The following MKLN1 variants were observed in gnomAD, a reference collection of about 807,000 sequenced individuals.
MKLN1 encodes the protein muskelin 1.
Under a neutral mutation model 99.0 loss-of-function variants are expected in MKLN1, and 18 were observed. The observed-to-expected ratio is 0.18, with a 90% CI of 0.13 to 0.27. The LOEUF is 0.27. Ranked by LOEUF, MKLN1 falls within the 10% of genes least tolerant of loss-of-function variation. The pLI is 1.00. For synonymous variants in MKLN1, 288 were observed against 293.2 expected, an observed-to-expected ratio of 0.98 and a Z score of 0.18; for missense variants, 621 against 875.9, an observed-to-expected ratio of 0.71 and a Z score of 3.67.
chr7:131,417,231 G>A (rs866947987), intron 8 of MKLN1, among the ~76,000 whole-genome samples: 2 of 152,108 alleles, frequency 1.3e-5, no homozygotes, highest in Non-Finnish European at 1.5e-5. Context: ...TTTATAGAAA[G>A]CTACAGAAGT....
chr7:131,245,022 C>A (rs1365999873), intron 3 of MKLN1, among the ~76,000 whole-genome samples: 1 of 152,082 alleles, frequency 6.6e-6, no homozygotes, highest in Non-Finnish European at 1.5e-5. Flanking sequence ...CTAGAAGGGA[C>A]GAATGAGAAA....
At chr7:131,133,816 T>A (rs71548780) in intron 1 of MKLN1, among the ~76,000 whole-genome samples, 1 of 16,962 alleles carries the variant, frequency 5.9e-5, no homozygotes, top group Non-Finnish European at 1.1e-4. Flanking sequence ...TTTTTTTTAA[T>A]TTGGTTTTTT....
chr7:131,285,957 C>CCTTTTT (rs397950661), intron 3 of MKLN1, among the ~76,000 whole-genome samples: 2 of 117,770 alleles, frequency 1.7e-5, no homozygotes, highest in African/African-American at 3.1e-5. Flanking sequence ...CATCTATGGA[C>CCTTTTT]TTTTTTTTTT....
chr7:131,384,665 A>G (rs192899580), intron 2 of MKLN1, among the ~76,000 whole-genome samples: 20 of 152,350 alleles, frequency 1.3e-4, no homozygotes, highest in African/African-American at 3.8e-4. Context: ...TAGTACACCT[A>G]TAGTTAGCTG....
chr7:131,291,921 A>G (rs896610073), intron 3 of MKLN1, among the ~76,000 whole-genome samples: 1 of 152,178 alleles, frequency 6.6e-6, no homozygotes, highest in African/African-American at 2.4e-5. Flanking sequence ...TCTGGGCCAC[A>G]TAGTGAGACC....
intron 3 of MKLN1, among the ~76,000 whole-genome samples, chr7:131,269,257 C>T (rs35653352): frequency 0.15 from 22,691 of 152,234 alleles, 1,826 homozygotes; most frequent in African/African-American, 0.19. Flanking sequence ...CTGGGTAACT[C>T]GTAAACAACA....
rs142342932 is a variant in MKLN1, at chr7:131,364,204, CGTTT to C, written c.99-11215_99-11212del. 4.5e-3 allele frequency among the ~76,000 whole-genome samples: 685 copies of C among 151,628 alleles called. 3 individuals carry two copies. The highest frequency in any genetic ancestry group is 0.015 in the African/African-American group (604 of 41,466). The stretch of plus-strand genomic sequence containing the variant: ...GAATTATAGTCTTTTAAGAAAAAAA[CGTTT>C]GTTTATTTATTTACATGTACTTATC... On this transcript the variant is annotated intron_variant, in intron 1 of 17. Transcript: ENST00000352689.
intron 1 of MKLN1, among the ~76,000 whole-genome samples, chr7:131,121,448 T>A (rs1795367484): frequency 6.6e-6 from 1 of 151,624 alleles, no homozygotes; most frequent in African/African-American, 2.4e-5. Flanking sequence ...TCCATCCTGG[T>A]GAACACGGTG....
chr7:131,443,796 T>A (rs1795913628), intron 11 of MKLN1, 94 bp downstream of exon 11: 3 of 976,530 alleles, frequency 3.1e-6, no homozygotes, highest in African/African-American at 3.2e-5. Context: ...AGGAAGAGAT[T>A]AGTGTAGCAA....
intron 2 of MKLN1, among the ~76,000 whole-genome samples, chr7:131,147,077 G>T (rs965121293): frequency 6.6e-6 from 1 of 151,710 alleles, no homozygotes; most frequent in Non-Finnish European, 1.5e-5. Context: ...AATTTTTTTT[G>T]AGATAGGGTC....
chr7:131,483,243 A>G (rs931671302), intron 17 of MKLN1, among the ~76,000 whole-genome samples: 4 of 152,058 alleles, frequency 2.6e-5, no homozygotes, highest in Admixed American at 2.6e-4. Context: ...CCCCTTTTTA[A>G]TTTATTTTTA....
intron 1 of MKLN1, among the ~76,000 whole-genome samples, chr7:131,130,244 G>A (rs1795529305): frequency 6.6e-6 from 1 of 152,192 alleles, no homozygotes; most frequent in African/African-American, 2.4e-5. Flanking sequence ...GCTGAGGATA[G>A]AACAAATACC....
At chr7:131,156,788 G>A (rs1010029530) in intron 2 of MKLN1, among the ~76,000 whole-genome samples, 3 of 152,176 alleles carry the variant, frequency 2.0e-5, no homozygotes, top group African/African-American at 7.2e-5. Flanking sequence ...AAGTTGAGGA[G>A]CACCTGTACA....
chr7:131,245,576 G>A (rs185450617), intron 3 of MKLN1, among the ~76,000 whole-genome samples: 35 of 152,202 alleles, frequency 2.3e-4, no homozygotes, highest in Non-Finnish European at 4.9e-4. Flanking sequence ...CACTGTGCCC[G>A]GCCCTATACT....
chr7:131,452,791 C>T lies in MKLN1; in HGVS notation c.1525+6888C>T, dbSNP rs190736159. ...GTCTTGATCTCTTGACCTTGTGATC[C>T]GCCCGCCTCGGCCTCCCAAAGTGCT... On this transcript the variant is annotated intron_variant, in intron 12 of 17. Transcript: ENST00000352689. Among the ~76,000 whole-genome samples, 111 of 152,062 alleles carry T rather than the reference C, an allele frequency of 7.3e-4. No homozygotes were observed. In the East Asian group the frequency reaches 8.7e-3, roughly 12 times the overall value.
chr7:131,467,441 A>C (rs920175995), intron 15 of MKLN1, among the ~76,000 whole-genome samples: 5 of 152,210 alleles, frequency 3.3e-5, no homozygotes, highest in Non-Finnish European at 7.3e-5. Context: ...ATATAGTTTT[A>C]AATGAGAATA....
intron 1 of MKLN1, among the ~76,000 whole-genome samples, chr7:131,111,437 C>T (rs1309972320): frequency 6.6e-6 from 1 of 152,184 alleles, no homozygotes; most frequent in Admixed American, 6.5e-5. Flanking sequence ...CAGACTAGAC[C>T]AGTCAGTTCA....
At chr7:131,323,445 C>T (rs1374052194), upstream of MKLN1, 3 of 152,120 alleles carry the variant, frequency 2.0e-5, no homozygotes, top group African/African-American at 7.2e-5. Context: ...CTCTTATTTA[C>T]ATGTCTGGTT....
chr7:131,383,207 A>C (rs530115933), intron 2 of MKLN1, among the ~76,000 whole-genome samples: 11 of 152,138 alleles, frequency 7.2e-5, no homozygotes, highest in African/African-American at 2.7e-4. Flanking sequence ...TATGGTCACA[A>C]ATTACACCTC....
Sources: allele counts gnomAD v4.1 joint callset (sites outside exome capture counted in the v4.1 genomes callset), GRCh38; gene constraint gnomAD v4.1.1; transcripts MANE v1.5; gene names NCBI Gene and HGNC (gene_info 2026-07-23, HGNC 2026-07-21).